PCBD2: variants seen among roughly 807,000 people sequenced by gnomAD.
PCBD2 encodes the protein pterin-4-alpha-carbinolamine dehydratase 2.
PCBD2 carries 12 observed loss-of-function variants against 16.4 expected under a neutral mutation model. The ratio of observed to expected loss-of-function variants is 0.73; its 90% CI spans 0.47 to 1.19. The LOEUF is 1.19. Among genes scored for constraint, PCBD2 ranks in the 50% most tolerant of loss-of-function variants. The pLI is 0.00. For missense variants in PCBD2, 138 were observed against 156.8 expected (o/e 0.88, Z 0.64); for synonymous variants, 58 against 61.8 (o/e 0.94, Z 0.29).
At chr5:134,923,447 G>A (rs573638921) in intron 2 of PCBD2, 49 of 233,588 alleles carry the variant, frequency 2.1e-4, no homozygotes, top group Non-Finnish European at 3.6e-4. Flanking sequence ...ATCCTGTTTC[G>A]TGTAGGAATA....
chr5:134,949,761 T>C (rs1041296083), intron 2 of PCBD2, among the ~76,000 whole-genome samples: 2 of 152,228 alleles, frequency 1.3e-5, no homozygotes, highest in African/African-American at 4.8e-5. Flanking sequence ...AAAGAATGCC[T>C]TTACTTGGTG....
chr5:134,956,513 T>C (rs1274200672), intron 2 of PCBD2, among the ~76,000 whole-genome samples: 2 of 152,210 alleles, frequency 1.3e-5, no homozygotes, highest in Admixed American at 1.3e-4. Context: ...TAGGCATCAC[T>C]TTAGACATTT....
At chr5:134,933,000 A>G (rs1023409184) in intron 2 of PCBD2, among the ~76,000 whole-genome samples, 2 of 152,146 alleles carry the variant, frequency 1.3e-5, no homozygotes, top group Non-Finnish European at 2.9e-5. Context: ...CTGGTAAATA[A>G]ATTTTTTTTT....
In PCBD2 at chr5:134,951,514, C is replaced by G. The variant is rs192735789; in HGVS notation, c.217-7526C>G. 1.3e-4 allele frequency among the ~76,000 whole-genome samples: 20 copies of G among 152,266 alleles called. No individual in the cohort carries two copies. In the East Asian group the frequency reaches 2.1e-3, roughly 16 times the overall value. On this transcript the variant is annotated intron_variant, in intron 2 of 3. Transcript: ENST00000254908. The stretch of plus-strand genomic sequence containing the variant: ...GTAATTTATGAGTATGTCTGCAGCA[C>G]AAATTCCTAGAAGTATTGTTTGGTC...
intron 2 of PCBD2, among the ~76,000 whole-genome samples, chr5:134,949,233 A>G (rs927344747): frequency 6.6e-6 from 1 of 152,118 alleles, no homozygotes; most frequent in Non-Finnish European, 1.5e-5. Flanking sequence ...AAACAGTGCT[A>G]AAGATGTTTC....
At chr5:134,918,685 A>G (rs1264303882) in intron 2 of PCBD2, among the ~76,000 whole-genome samples, 2 of 152,222 alleles carry the variant, frequency 1.3e-5, no homozygotes, top group Non-Finnish European at 2.9e-5. Context: ...GAAAGTGTTC[A>G]TAGTTTTCAT....
rs1042413919 is a variant in PCBD2, at chr5:134,933,530, C to G, written c.216+23064C>G. On this transcript the variant is annotated intron_variant, in intron 2 of 3. Coordinates refer to ENST00000254908, the MANE Select transcript of PCBD2 (RefSeq NM_032151.5). ...GGACTGTAGGCATGAGCCACTGCAG[C>G]TGGCTTACCACACGATTTTGAATGG... is the stretch of plus-strand genomic sequence containing the variant. Among the ~76,000 whole-genome samples the G allele has an allele frequency of 9.9e-5, 15 of 152,214 alleles. No individual in the cohort carries two copies. The East Asian group carries it at 2.7e-3, about 27-fold the overall frequency.
chr5:134,952,549 C>A lies in PCBD2; in HGVS notation c.217-6491C>A, dbSNP rs112577978. 4.7e-4 allele frequency among the ~76,000 whole-genome samples: 71 copies of A among 152,178 alleles called. 1 individual carries two copies. The highest frequency in any genetic ancestry group is 1.7e-3 in the African/African-American group (70 of 41,530). ...GCAGTGGCGCATGCCTGTAATCCTG[C>A]CACTTACAGGTTTAGAGGCTGAGGT... On this transcript the variant is annotated intron_variant, in intron 2 of 3. Coordinates refer to ENST00000254908, the MANE Select transcript of PCBD2 (RefSeq NM_032151.5).
intron 1 of PCBD2, among the ~76,000 whole-genome samples, chr5:134,910,002 G>A (rs1750746700): frequency 6.6e-6 from 1 of 152,164 alleles, no homozygotes; most frequent in South Asian, 2.1e-4. Flanking sequence ...CCCAGGAGGC[G>A]GAGGTTGCAG....
At chr5:134,935,205 GGTT>G (rs1349831516) in intron 2 of PCBD2, among the ~76,000 whole-genome samples, 2 of 152,154 alleles carry the variant, frequency 1.3e-5, no homozygotes, top group Admixed American at 1.3e-4. Flanking sequence ...AATCTGATTG[GGTT>G]GTTGTAAATT....
intron 2 of PCBD2, chr5:134,925,889 G>A (rs1247210223): frequency 1.3e-5 from 5 of 393,166 alleles, no homozygotes; most frequent in African/African-American, 8.3e-5. Flanking sequence ...TTGGAGTGTA[G>A]GAGAAATCAT....
Position 134,960,793 on chromosome 5 carries a change from G to GTGT in PCBD2, c.*115_*117dup, listed in dbSNP as rs1751465956. 1 of 893,866 alleles carries GTGT rather than the reference G, an allele frequency of 1.1e-6. No homozygotes were observed. Among genetic ancestry groups the GTGT allele is most frequent in the African/African-American group, 1.7e-5 (1 of 59,276 alleles). The allele number at this position is 893,866 out of a possible 1,614,324, so 55.4% of individuals were successfully genotyped here. ...CTTTTTCTCTTTTTTTTAAGACAGA[G>GTGT]TGTTGCTCTGTCGCCCAGGCCAGAG... On this transcript the variant is annotated 3_prime_UTR_variant, in exon 4 of 4. Transcript: ENST00000254908.
At chr5:134,940,661 C>G (rs1419181914) in intron 2 of PCBD2, among the ~76,000 whole-genome samples, 2 of 152,136 alleles carry the variant, frequency 1.3e-5, no homozygotes, top group Non-Finnish European at 2.9e-5. Context: ...GAGCAGTACT[C>G]TATTCTCTAG....
chr5:134,953,478 A>G (rs188687900), intron 2 of PCBD2, among the ~76,000 whole-genome samples: 1 of 151,780 alleles, frequency 6.6e-6, no homozygotes, highest in Non-Finnish European at 1.5e-5. Context: ...TTATATACCT[A>G]TAATTTTACA....
chr5:134,932,402 T>A lies in PCBD2; in HGVS notation c.216+21936T>A, dbSNP rs143035822. On this transcript the variant is annotated intron_variant, in intron 2 of 3. Coordinates refer to ENST00000254908, the MANE Select transcript of PCBD2 (RefSeq NM_032151.5). The stretch of plus-strand genomic sequence containing the variant: ...TGTCACCCAGGCTGGAATGCAGTGG[T>A]GCGATCTCAGCTCACTGCAACCTCC... 7.3e-3 allele frequency among the ~76,000 whole-genome samples: 1,114 copies of A among 152,042 alleles called. 10 individuals carry two copies. Among genetic ancestry groups the A allele is most frequent in the African/African-American group, 0.026 (1,069 of 41,458 alleles).
At chr5:134,936,955 A>T (rs1751167271) in intron 2 of PCBD2, among the ~76,000 whole-genome samples, 1 of 152,224 alleles carries the variant, frequency 6.6e-6, no homozygotes, top group Admixed American at 6.5e-5. Context: ...CCTTAGGTAT[A>T]GGAAAAATGG....
chr5:134,953,606 C>T (rs541168731), intron 2 of PCBD2, among the ~76,000 whole-genome samples: 23 of 152,028 alleles, frequency 1.5e-4, no homozygotes, highest in Non-Finnish European at 2.8e-4. Flanking sequence ...ACCAGCTGGG[C>T]CAACATGGCG....
intron 2 of PCBD2, among the ~76,000 whole-genome samples, chr5:134,931,545 C>G (rs1038763683): frequency 6.6e-6 from 1 of 152,044 alleles, no homozygotes; most frequent in African/African-American, 2.4e-5. Flanking sequence ...GTTCGTATTC[C>G]CATTTTGCTA....
chr5:134,910,498 G>T (rs1354028591), intron 2 of PCBD2, 32 bp downstream of exon 2: 2 of 1,609,304 alleles, frequency 1.2e-6, no homozygotes, highest in African/African-American at 2.7e-5. Context: ...TAGGGCTGTG[G>T]TCTATTTTAG....
Sources: allele counts gnomAD v4.1 joint callset (sites outside exome capture counted in the v4.1 genomes callset), GRCh38; gene constraint gnomAD v4.1.1; transcripts MANE v1.5; gene names NCBI Gene and HGNC (gene_info 2026-07-23, HGNC 2026-07-21).